The following DAB2 variants were observed in gnomAD, a reference collection of about 807,000 sequenced individuals.
DAB2 encodes DAB adaptor protein 2.
In DAB2, 28 loss-of-function variants were observed where a neutral mutation model predicts 71.6. The ratio of observed to expected loss-of-function variants is 0.39; its 90% CI spans 0.29 to 0.54. DAB2 has a LOEUF of 0.54. Among genes scored for constraint, DAB2 ranks in the 20% least tolerant of loss-of-function variants. The pLI is 0.68. For missense variants in DAB2, 867 were observed against 928.8 expected, an observed-to-expected ratio of 0.93 and a Z score of 0.86; for synonymous variants, 345 against 339.7, an observed-to-expected ratio of 1.02 and a Z score of -0.17.
intron 1 of DAB2, among the ~76,000 whole-genome samples, chr5:39,404,947 T>C (rs1269027800): frequency 6.6e-6 from 1 of 152,196 alleles, no homozygotes; most frequent in Non-Finnish European, 1.5e-5. Flanking sequence ...AACAGAAGTA[T>C]TAAGGTTATG....
At chr5:39,387,442 A>G (rs904556605) in intron 9 of DAB2, among the ~76,000 whole-genome samples, 2 of 152,192 alleles carry the variant, frequency 1.3e-5, no homozygotes, top group African/African-American at 2.4e-5. Context: ...AGTAACATCA[A>G]TTACTAACGA....
chr5:39,376,251 CCCCAATAA>C (rs1754826137), intron 12 of DAB2, 145 bp from the exon 13 acceptor site: 1 of 638,264 alleles, frequency 1.6e-6, no homozygotes, highest in Non-Finnish European at 2.7e-6. Flanking sequence ...ATACTAGGTA[CCCCAATAA>C]TTATTATCCT....
At chr5:39,406,850 T>A (rs1755619563) in intron 1 of DAB2, among the ~76,000 whole-genome samples, 1 of 152,000 alleles carries the variant, frequency 6.6e-6, no homozygotes, top group Non-Finnish European at 1.5e-5. Flanking sequence ...GTTTTAATAT[T>A]AAAAAAAACT....
chr5:39,393,192 A>C, intron 3 of DAB2, 62 bp downstream of exon 3: 1 of 1,534,084 alleles, frequency 6.5e-7, no homozygotes, highest in Non-Finnish European at 9.0e-7. Flanking sequence ...AGAGCTTCTA[A>C]TATAATTCCC....
intron 6 of DAB2, 88 bp from the exon 7 acceptor site, chr5:39,389,211 G>T: frequency 2.0e-6 from 2 of 986,204 alleles, no homozygotes; most frequent in Non-Finnish European, 3.2e-6. Context: ...TGGTTCACAG[G>T]CATAAGGCAA....
At chr5:39,394,686 C>T (rs555486004) in intron 1 of DAB2, among the ~76,000 whole-genome samples, 1 of 152,246 alleles carries the variant, frequency 6.6e-6, no homozygotes, top group African/African-American at 2.4e-5. Context: ...TCTAGCTAAG[C>T]AGTTTTTATT....
chr5:39,423,754 T>C (rs1172735582), intron 1 of DAB2: 1 of 152,264 alleles, frequency 6.6e-6, no homozygotes, highest in Non-Finnish European at 1.5e-5. Flanking sequence ...AGAAATTTTT[T>C]CATGAAGTCA....
rs201522659 is a variant in DAB2 at position 39,376,781 on chromosome 5, C to A, written c.2006G>T (p.Arg669Leu). 2 of 1,614,014 alleles carry A rather than the reference C, an allele frequency of 1.2e-6. No homozygotes were observed. Among genetic ancestry groups the A allele is most frequent in the Admixed American group, 1.7e-5 (1 of 59,990 alleles). The change falls in exon 12 of 15, where the codon CGG becomes CTG. Residue 669 changes from arginine to leucine, a missense_variant. Arg to Leu is a moderately radical substitution (Grantham distance 102). Coordinates refer to ENST00000320816, the MANE Select transcript of DAB2 (RefSeq NM_001343.4). ...QLRQPPAVPARKGEQTSSGTL... is the reference protein window; with the variant it reads ...QLRQPPAVPALKGEQTSSGTL... ...CCCAGAAGAAGTCTGCTCTCCCTTC[C>A]GCGCGGGCACAGCAGGTGGCTGCCG...
intron 1 of DAB2, among the ~76,000 whole-genome samples, chr5:39,407,730 T>A: frequency 6.6e-6 from 1 of 152,252 alleles, no homozygotes; most frequent in East Asian, 1.9e-4. Flanking sequence ...AATTATTGAA[T>A]ACTTCCCACT....
intron 3 of DAB2, among the ~76,000 whole-genome samples, chr5:39,392,890 A>G (rs548117197): frequency 1.3e-5 from 2 of 152,346 alleles, no homozygotes; most frequent in African/African-American, 4.8e-5. Context: ...TATCAGAACA[A>G]TTCCCAGGTC....
intron 1 of DAB2, among the ~76,000 whole-genome samples, chr5:39,420,057 A>G (rs779511457): frequency 1.3e-5 from 2 of 152,194 alleles, no homozygotes; most frequent in South Asian, 4.1e-4. Flanking sequence ...ATACAGCTGG[A>G]TGGGCCCTAC....
intron 1 of DAB2, among the ~76,000 whole-genome samples, chr5:39,414,691 T>C (rs889852547): frequency 7.2e-6 from 1 of 139,750 alleles, no homozygotes; most frequent in African/African-American, 2.6e-5. Flanking sequence ...TTGCTCATTA[T>C]AAATAACCTT....
At chr5:39,387,814 C>T (rs1446355465) in intron 9 of DAB2, 1 of 152,368 alleles carries the variant, frequency 6.6e-6, no homozygotes, top group Non-Finnish European at 1.5e-5. Flanking sequence ...GGTATAAAAT[C>T]CTATGAGAAT....
At chr5:39,408,019 C>T (rs542755233) in intron 1 of DAB2, among the ~76,000 whole-genome samples, 98 of 152,304 alleles carry the variant, frequency 6.4e-4, no homozygotes, top group African/African-American at 2.2e-3. Context: ...TATATAAAAT[C>T]CCAATGTGGT....
rs565147153 is a variant in DAB2, at chr5:39,383,288, G to GA, written c.688-18dup. ...TTTGCTTTCCTATCACATTTGGAAA[G>GA]AAAAAAAAAGAAAGTGTTAGTCCAT... On this transcript the variant is annotated splice_polypyrimidine_tract_variant and intron_variant, in intron 9 of 14. Transcript: ENST00000320816. 5.2e-4 allele frequency: 797 copies of GA among 1,528,810 alleles called. No homozygotes were observed. The highest frequency in any genetic ancestry group is 5.7e-4 in the Non-Finnish European group (651 of 1,133,728). 94.7% of individuals were successfully genotyped at this position (1,528,810 alleles called of 1,614,324 possible).
chr5:39,376,219 G>T, intron 12 of DAB2, 113 bp from the exon 13 acceptor site: 1 of 766,684 alleles, frequency 1.3e-6, no homozygotes, highest in Non-Finnish European at 2.1e-6. Flanking sequence ...ATTTACATCA[G>T]TGGAACAAAA....
At chr5:39,417,620 AATC>A (rs1561381952) in intron 1 of DAB2, 1 of 152,164 alleles carries the variant, frequency 6.6e-6, no homozygotes, top group African/African-American at 2.4e-5. Flanking sequence ...ACTACAATAA[AATC>A]ATATGTTAGT....
At chr5:39,415,194 A>G (rs1579927487) in intron 1 of DAB2, among the ~76,000 whole-genome samples, 1 of 152,160 alleles carries the variant, frequency 6.6e-6, no homozygotes, top group East Asian at 1.9e-4. Flanking sequence ...TTTTTAAATT[A>G]TGACACAAAT....
rs373618914 is a variant in DAB2 at position 39,384,680 on chromosome 5, C to T, written c.688-1409G>A. ...TTAAAAGCAGTAAATTTGATGAATC[C>T]GACATGTCTTTATTCCAGTAAAAGA... On this transcript the variant is annotated intron_variant, in intron 9 of 14. Transcript: ENST00000320816. 1.4e-3 allele frequency among the ~76,000 whole-genome samples: 209 copies of T among 152,094 alleles called. 10 individuals are homozygous for T. The South Asian group carries it at 0.04, about 29-fold the overall frequency.
Sources: allele counts gnomAD v4.1 joint callset (sites outside exome capture counted in the v4.1 genomes callset), GRCh38; gene constraint gnomAD v4.1.1; transcripts MANE v1.5; gene names NCBI Gene and HGNC (gene_info 2026-07-23, HGNC 2026-07-21).